Variants in CAPN2 observed in about 807,000 individuals in gnomAD.
CAPN2 encodes the protein calpain 2, also known as calpain-2 catalytic subunit.
In CAPN2, 92 loss-of-function variants were observed where a neutral mutation model predicts 102.3. That is an observed-to-expected ratio of 0.90 (90% confidence interval 0.76 to 1.07). The LOEUF is 1.07. Among genes scored for constraint, CAPN2 ranks in the 50% least tolerant of loss-of-function variants. The probability of loss-of-function intolerance (pLI) is 0.00; values close to 1 mark genes in which losing one functional copy is unlikely to be tolerated. For missense variants in CAPN2, 800 were observed against 909.4 expected, an observed-to-expected ratio of 0.88 and a Z score of 1.55; for synonymous variants, 340 against 355.4, an observed-to-expected ratio of 0.96 and a Z score of 0.49.
intron 15 of CAPN2, among the ~76,000 whole-genome samples, chr1:223,765,534 G>A (rs1207277373): frequency 6.6e-6 from 1 of 152,212 alleles, no homozygotes; most frequent in Non-Finnish European, 1.5e-5. Context: ...TGGGAGGTGG[G>A]GAAGAAGCGG....
chr1:223,735,238 G>C (rs913526592), intron 2 of CAPN2, among the ~76,000 whole-genome samples: 2 of 152,170 alleles, frequency 1.3e-5, no homozygotes, highest in African/African-American at 4.8e-5. Flanking sequence ...CCAAAATCCA[G>C]GTCCTCTGGC....
Position 223,770,504 on chromosome 1 carries a change from C to A in CAPN2, c.1882C>A (p.Arg628=), listed in dbSNP as rs768014183. The A allele has an allele frequency of 6.2e-7, 1 of 1,612,956 alleles. No homozygotes were observed. Among genetic ancestry groups the A allele is most frequent in the South Asian group, 1.1e-5 (1 of 91,030 alleles). The change falls in exon 18 of 21, where the codon CGG becomes AGG. Residue 628 remains arginine (R), a synonymous_variant. Transcript: ENST00000295006. The stretch of plus-strand genomic sequence containing the variant: ...TGGTACCATGAATTCCTATGAAATG[C>A]GGAAGGCATTAGAAGAAGCAGGTAA... The part of the protein sequence containing the change: ...RSGTMNSYEM[R]KALEEAGFKM...
chr1:223,714,313 T>G lies in CAPN2; in HGVS notation c.237+1436T>G, dbSNP rs115097093. Among the ~76,000 whole-genome samples, 1,513 of 152,324 alleles carry G rather than the reference T, an allele frequency of 9.9e-3. 27 individuals are homozygous for G. The highest frequency in any genetic ancestry group is 0.034 in the African/African-American group (1,412 of 41,562). The stretch of plus-strand genomic sequence containing the variant: ...CATGCCTTTCACAGTATTCATTCAT[T>G]CATTCATTCATTCATTTACTCACTC... On this transcript the variant is annotated intron_variant, in intron 1 of 20. Transcript: ENST00000295006.
At chr1:223,762,305 C>G (rs771565580) in intron 14 of CAPN2, 54 bp downstream of exon 14, 52 of 1,374,046 alleles carry the variant, frequency 3.8e-5, no homozygotes, top group Non-Finnish European at 5.3e-5. Flanking sequence ...AAGGAAGAGA[C>G]AGTGTGTGTC....
At chr1:223,764,963 C>T (rs1394789641) in intron 15 of CAPN2, among the ~76,000 whole-genome samples, 1 of 152,204 alleles carries the variant, frequency 6.6e-6, no homozygotes, top group Non-Finnish European at 1.5e-5. Context: ...TGTGGATCAC[C>T]AGCAGGGAGG....
At chr1:223,760,434 G>A (rs574535347) in intron 12 of CAPN2, among the ~76,000 whole-genome samples, 17 of 152,320 alleles carry the variant, frequency 1.1e-4, no homozygotes, top group South Asian at 6.2e-4. Flanking sequence ...TTCCCATGGC[G>A]AAGGGAGACA....
At chr1:223,749,859 A>C (rs1660842774) in intron 6 of CAPN2, among the ~76,000 whole-genome samples, 1 of 152,160 alleles carries the variant, frequency 6.6e-6, no homozygotes, top group Non-Finnish European at 1.5e-5. Flanking sequence ...TACAAAAAAA[A>C]GTTAGCTGGG....
chr1:223,753,033 T>TACC, intron 9 of CAPN2, 77 bp downstream of exon 9: 1 of 1,387,746 alleles, frequency 7.2e-7, no homozygotes, highest in East Asian at 2.3e-5. Context: ...CCACCCTGTG[T>TACC]ACCACACCCC....
chr1:223,713,206 T>C (rs1335556135), intron 1 of CAPN2, among the ~76,000 whole-genome samples: 1 of 149,606 alleles, frequency 6.7e-6, no homozygotes, highest in African/African-American at 2.6e-5. Flanking sequence ...GGTGAAACTT[T>C]GATTGGACTC....
In CAPN2 at chr1:223,771,939, T is replaced by A. The variant is rs1473380199; in HGVS notation, c.2020+14T>A. 1 of 1,556,312 alleles carries A rather than the reference T, an allele frequency of 6.4e-7. No individual in the cohort carries two copies. Among genetic ancestry groups the A allele is most frequent in the South Asian group, 1.1e-5 (1 of 89,922 alleles). On this transcript the variant is annotated intron_variant, in intron 19 of 20. Transcript: ENST00000295006. Reference sequence around the variant, plus strand: ...AAACGCTATTCAGTAAGTGGATATTTGGGGAATGACTCATTTCAGTTCTCT... The same window carrying A: ...AAACGCTATTCAGTAAGTGGATATTAGGGGAATGACTCATTTCAGTTCTCT...
rs12043790 is a variant in CAPN2 at position 223,775,241 on chromosome 1, C to T, written c.*384C>T. ...AACATTGAGTCGCTCTCAAAGGACA[C>T]GAGGCCCTTGGCAGGGAATATTTAA... On this transcript the variant is annotated 3_prime_UTR_variant, in exon 21 of 21. Transcript: ENST00000295006. 783 of 179,264 alleles carry T rather than the reference C, an allele frequency of 4.4e-3. 36 individuals are homozygous for T. In the East Asian group the frequency reaches 0.099, roughly 23 times the overall value. 11.1% of individuals were successfully genotyped at this position (179,264 alleles called of 1,614,324 possible).
chr1:223,747,204 C>T (rs1484621179), intron 5 of CAPN2, 39 bp downstream of exon 5: 1 of 1,556,542 alleles, frequency 6.4e-7, no homozygotes, highest in African/African-American at 1.4e-5. Flanking sequence ...ACCCCATCTG[C>T]TCTTGCTGAA....
chr1:223,761,515 C>A, intron 12 of CAPN2, 66 bp from the exon 13 acceptor site: 2 of 1,361,284 alleles, frequency 1.5e-6, no homozygotes, highest in Non-Finnish European at 2.1e-6. Flanking sequence ...TCCATTTTAG[C>A]AGTGATTTCC....
At chr1:223,707,132 T>G (rs1423828952) in intron 1 of CAPN2, among the ~76,000 whole-genome samples, 3 of 150,806 alleles carry the variant, frequency 2.0e-5, no homozygotes, top group Non-Finnish European at 4.4e-5. Context: ...CTGATGCATC[T>G]CAAACATCCA....
chr1:223,770,277 A>G (rs1661438958), intron 17 of CAPN2, 170 bp from the exon 18 acceptor site: 1 of 611,650 alleles, frequency 1.6e-6, no homozygotes, highest in South Asian at 2.1e-5. Flanking sequence ...GCTCACAGAC[A>G]GAAGCAAAAT....
chr1:223,727,149 A>C lies in CAPN2; in HGVS notation c.307+9318A>C, dbSNP rs77113862. ...TTGTTAAAATGCTGTTGTCTCAGGA[A>C]GGGTGAAATTTAGCCAGGAGCAGTC... is the stretch of plus-strand genomic sequence containing the variant. On this transcript the variant is annotated intron_variant, in intron 2 of 20. Transcript: ENST00000295006. This position sits in a 1 kb window ranked among gnomAD's most constrained non-coding sequence, Gnocchi z 4.1. Among the ~76,000 whole-genome samples, 2 of 10,172 alleles carry C rather than the reference A, an allele frequency of 2.0e-4. No individual in the cohort carries two copies. The highest frequency in any genetic ancestry group is 1.3e-3 in the Non-Finnish European group (2 of 1,520). 6.7% of individuals were successfully genotyped at this position (10,172 alleles called of 152,430 possible).
At chr1:223,744,402 C>T (rs1017656809) in intron 3 of CAPN2, among the ~76,000 whole-genome samples, 184 bp downstream of exon 3, 2 of 151,958 alleles carry the variant, frequency 1.3e-5, no homozygotes, top group African/African-American at 2.4e-5. Flanking sequence ...ATGTGAGACC[C>T]GGCTGGGATG....
Position 223,759,360 on chromosome 1 carries a change from G to A in CAPN2, c.1408G>A (p.Glu470Lys). The change falls in exon 12 of 21, where the codon GAG (glutamate) becomes AAG (lysine). Residue 470 changes from glutamate to lysine, a missense_variant. Physicochemically the swap from Glu to Lys is moderately conservative, Grantham distance 56. Transcript: ENST00000295006. The surrounding 1 kb of genome is among the most constrained non-coding windows in gnomAD (Gnocchi z 4.6). ...ERSDTFINLR[E>K]VLNRFKLPPG... The stretch of plus-strand genomic sequence containing the variant: ...CTCAGACACCTTCATCAACCTCCGG[G>A]AGGTGCTCAACCGCTTCAAGCTGCC... 1 of 1,614,202 alleles carries A rather than the reference G, an allele frequency of 6.2e-7. No individual in the cohort carries two copies. Among genetic ancestry groups the A allele is most frequent in the Non-Finnish European group, 8.5e-7 (1 of 1,180,030 alleles).
chr1:223,717,832 G>A lies in CAPN2; in HGVS notation c.307+1G>A. ...ACAGACATCTGCCAAGGAGCCCTGG[G>A]TAAGTGATAGATTCAGAGCAAGCTG... On this transcript the variant is annotated splice_donor_variant, in intron 2 of 20. Transcript: ENST00000295006. LOFTEE classifies it high-confidence loss of function. 6.2e-7 allele frequency: 1 copy of A among 1,611,316 alleles called. No homozygotes were observed. The highest frequency in any genetic ancestry group is 8.5e-7 in the Non-Finnish European group (1 of 1,177,346).
Sources: gnomAD v4.1 joint callset for allele counts (sites outside exome capture counted in the v4.1 genomes callset) on GRCh38, gnomAD v4.1.1 for gene constraint, Gnocchi (gnomAD v3.1) non-coding constraint, MANE v1.5 for transcripts, NCBI Gene and HGNC (gene_info 2026-07-23, HGNC 2026-07-21) for gene names.